The following CDK19 variants were observed in gnomAD, a reference collection of about 807,000 sequenced individuals.
CDK19 encodes the protein cyclin-dependent kinase 19.
A neutral mutation model predicts 68.3 loss-of-function variants in CDK19; 20 were observed. The ratio of observed to expected loss-of-function variants is 0.29; its 90% CI spans 0.21 to 0.43. The LOEUF is 0.43. Ranked by LOEUF, CDK19 falls within the 20% of genes least tolerant of loss-of-function variation. CDK19 has a pLI of 1.00. For synonymous variants in CDK19, 221 were observed against 222.8 expected (o/e 0.99, Z 0.07); for missense variants, 339 against 623.5 (o/e 0.54, Z 4.86).
intron 1 of CDK19, among the ~76,000 whole-genome samples, chr6:110,806,253 T>A (rs1782671732): frequency 6.7e-6 from 1 of 149,354 alleles, no homozygotes; most frequent in African/African-American, 2.5e-5. Context: ...GGCAGGAGAA[T>A]CGCTTAAACC....
chr6:110,728,287 CAAA>C (rs951995109), intron 2 of CDK19, among the ~76,000 whole-genome samples: 8 of 87,176 alleles, frequency 9.2e-5, no homozygotes, highest in African/African-American at 1.2e-4. Context: ...GACTCCATCT[CAAA>C]AAAAAAAAAA....
rs1269374140 is a variant in CDK19, at chr6:110,613,209, A to C, written c.*1326T>G. On this transcript the variant is annotated 3_prime_UTR_variant, in exon 13 of 13. Coordinates refer to ENST00000368911, the MANE Select transcript of CDK19 (RefSeq NM_015076.5). ...TCAGCCACTAATTCATAGATAATGG[A>C]AATGCAAATATTCACTTTGTCTAGT... The C allele has an allele frequency of 6.9e-6, 1 of 144,066 alleles. No homozygotes were observed. The highest frequency in any genetic ancestry group is 1.5e-5 in the Non-Finnish European group (1 of 65,194). 8.9% of individuals were successfully genotyped at this position (144,066 alleles called of 1,614,324 possible). A position where few individuals can be genotyped will look rare whatever the true frequency, so the allele number is the denominator to read the frequency against.
At chr6:110,733,658 T>G (rs1776935044) in intron 2 of CDK19, among the ~76,000 whole-genome samples, 3 of 151,966 alleles carry the variant, frequency 2.0e-5, no homozygotes, top group Admixed American at 2.0e-4. Context: ...ATTTTTAAAA[T>G]CTAGTTCAGT....
intron 4 of CDK19, among the ~76,000 whole-genome samples, chr6:110,653,742 G>A (rs1781127006): frequency 6.6e-6 from 1 of 152,130 alleles, no homozygotes; most frequent in Non-Finnish European, 1.5e-5. Flanking sequence ...AGCTACTCCT[G>A]AAATATCTGC....
intron 5 of CDK19, among the ~76,000 whole-genome samples, chr6:110,637,423 C>A (rs117269426): frequency 0.028 from 4,326 of 152,180 alleles, 85 homozygotes; most frequent in South Asian, 0.083. Context: ...CAAACTTAGG[C>A]TAGAGGTGTT....
At position 110,614,666 on chromosome 6, in the gene CDK19, G is replaced by A. The variant is rs768226674; in HGVS notation, c.1378C>T (p.His460Tyr). 6.2e-7 allele frequency: 1 copy of A among 1,613,828 alleles called. No homozygotes were observed. The highest frequency in any genetic ancestry group is 1.3e-5 in the African/African-American group (1 of 74,886). ...GGPVMPSDYQ[H>Y]SSSRLNYQSS... ...TGGTAATTCAGGCGAGAACTGGAGT[G>A]CTAGGAGAAGGAAACAGGAAAAGGG... The change falls in exon 13 of 13, where the codon CAC (histidine) becomes TAC (tyrosine). Residue 460 changes from histidine (H) to tyrosine (Y), a missense_variant and splice_region_variant. His to Tyr is a moderately conservative substitution (Grantham distance 83). This residue lies in a region of CDK19 where 155 missense variants were observed against 222.7 expected (regional missense o/e 0.70). Coordinates refer to ENST00000368911, the MANE Select transcript of CDK19 (RefSeq NM_015076.5).
chr6:110,682,206 T>A (rs1027202487), intron 2 of CDK19, among the ~76,000 whole-genome samples: 2 of 152,216 alleles, frequency 1.3e-5, no homozygotes, highest in African/African-American at 4.8e-5. Flanking sequence ...TTTTGATCTC[T>A]TTTAAGTAAC....
intron 8 of CDK19, among the ~76,000 whole-genome samples, chr6:110,624,258 G>A (rs543004431): frequency 1.7e-4 from 26 of 152,110 alleles, no homozygotes; most frequent in African/African-American, 5.8e-4. Context: ...GGGAGGTGGG[G>A]CACACAGGGT....
At chr6:110,738,127 C>T (rs560414552) in intron 2 of CDK19, among the ~76,000 whole-genome samples, 3 of 152,212 alleles carry the variant, frequency 2.0e-5, no homozygotes, top group Admixed American at 6.5e-5. Flanking sequence ...AGGTAAAATA[C>T]TTGATTCACA....
chr6:110,702,346 G>A (rs958292701), intron 2 of CDK19, among the ~76,000 whole-genome samples: 6 of 152,126 alleles, frequency 3.9e-5, no homozygotes, highest in African/African-American at 1.4e-4. Context: ...CTACTCAGGA[G>A]GCTGAGGCTG....
intron 1 of CDK19, among the ~76,000 whole-genome samples, chr6:110,794,696 C>T (rs919554579): frequency 1.3e-5 from 2 of 152,054 alleles, no homozygotes; most frequent in Non-Finnish European, 2.9e-5. Context: ...AGCCACCACG[C>T]CTGGCCTGAT....
chr6:110,715,929 A>T (rs1025568255), intron 2 of CDK19, among the ~76,000 whole-genome samples: 1 of 152,192 alleles, frequency 6.6e-6, no homozygotes, highest in Non-Finnish European at 1.5e-5. Context: ...ACCCTAAAAT[A>T]GTATGGCACT....
intron 1 of CDK19, among the ~76,000 whole-genome samples, chr6:110,794,836 T>C (rs1781835643): frequency 6.6e-6 from 1 of 151,956 alleles, no homozygotes; most frequent in Non-Finnish European, 1.5e-5. Context: ...CCAATAAAAA[T>C]TAAGAGTAGG....
At chr6:110,625,041 G>C (rs1778999970) in intron 8 of CDK19, among the ~76,000 whole-genome samples, 1 of 152,174 alleles carries the variant, frequency 6.6e-6, no homozygotes, top group Admixed American at 6.5e-5. Context: ...ATCTATTTGT[G>C]GCAGCTCTGA....
chr6:110,621,065 C>A lies in CDK19; in HGVS notation c.1377+39G>T. 2 of 1,554,204 alleles carry A rather than the reference C, an allele frequency of 1.3e-6. No homozygotes were observed. The highest frequency in any genetic ancestry group is 1.7e-6 in the Non-Finnish European group (2 of 1,145,948). On this transcript the variant is annotated intron_variant, in intron 12 of 12. Coordinates refer to ENST00000368911, the MANE Select transcript of CDK19 (RefSeq NM_015076.5). The surrounding 1 kb of genome is among the most constrained non-coding windows in gnomAD (Gnocchi z 5.4). ...GGATCTAGGATAAATCTTTTCCCCA[C>A]TTCATAAAGCATATGAACATTAGAC...
intron 1 of CDK19, among the ~76,000 whole-genome samples, chr6:110,776,133 G>C (rs1780376072): frequency 6.6e-6 from 1 of 152,112 alleles, no homozygotes; most frequent in South Asian, 2.1e-4. Flanking sequence ...TGTTAACTAA[G>C]AACCAGAGAA....
In CDK19 at chr6:110,807,064, T is replaced by G. The variant is rs541291225; in HGVS notation, c.128+7945A>C. Among the ~76,000 whole-genome samples, 4 of 148,710 alleles carry G rather than the reference T, an allele frequency of 2.7e-5. No homozygotes were observed. In the South Asian group the frequency reaches 8.5e-4, roughly 32 times the overall value. On this transcript the variant is annotated intron_variant, in intron 1 of 12. Transcript: ENST00000368911. ...CCTGTAACCCCAGCACTTTGGGAGG[T>G]CAAGGTAGGAGGATTACTTGAGGCC...
At chr6:110,688,317 A>G (rs1266918104) in intron 2 of CDK19, among the ~76,000 whole-genome samples, 1 of 150,946 alleles carries the variant, frequency 6.6e-6, no homozygotes, top group Non-Finnish European at 1.5e-5. Flanking sequence ...GCAAGACTCC[A>G]TGTCCAAAAA....
At chr6:110,670,355 A>C in intron 3 of CDK19, 76 bp downstream of exon 3, 1 of 711,460 alleles carries the variant, frequency 1.4e-6, no homozygotes, top group South Asian at 2.0e-5. Flanking sequence ...TCTGTGCATT[A>C]ACAATATGTA....
Sources: gnomAD v4.1 joint callset for allele counts (sites outside exome capture counted in the v4.1 genomes callset) on GRCh38, gnomAD v4.1.1 for gene constraint, gnomAD v4.1.1 regional missense constraint, Gnocchi (gnomAD v3.1) non-coding constraint, MANE v1.5 for transcripts, NCBI Gene and HGNC (gene_info 2026-07-23, HGNC 2026-07-21) for gene names.